Variants in DENND6A observed in about 807,000 individuals in gnomAD.
DENND6A encodes the protein protein DENND6A.
Under a neutral mutation model 95.5 loss-of-function variants are expected in DENND6A, and 43 were observed. That is an observed-to-expected ratio of 0.45 (90% CI 0.35 to 0.58). The LOEUF is 0.58. Among genes scored for constraint, DENND6A ranks in the 20% least tolerant of loss-of-function variants. The pLI is 0.00. For synonymous variants in DENND6A, 257 were observed against 260.4 expected, an observed-to-expected ratio of 0.99 and a Z score of 0.13; for missense variants, 574 against 736.0, an observed-to-expected ratio of 0.78 and a Z score of 2.55.
At chr3:57,631,342 G>A (rs1015550544) in intron 15 of DENND6A, among the ~76,000 whole-genome samples, 7 of 152,024 alleles carry the variant, frequency 4.6e-5, no homozygotes, top group African/African-American at 1.7e-4. Flanking sequence ...GATTACAGGC[G>A]TGCGCCACCA....
chr3:57,644,489 G>T, intron 11 of DENND6A, among the ~76,000 whole-genome samples: 1 of 150,668 alleles, frequency 6.6e-6, no homozygotes, highest in Admixed American at 6.7e-5. Flanking sequence ...TATTTTTTTT[G>T]TGGAGACAGG....
At chr3:57,689,995 G>A (rs998008493) in intron 1 of DENND6A, among the ~76,000 whole-genome samples, 2 of 150,384 alleles carry the variant, frequency 1.3e-5, no homozygotes, top group African/African-American at 4.9e-5. Flanking sequence ...AGGTTGTAGT[G>A]AGTTATGATC....
chr3:57,661,593 C>G (rs774955779), intron 5 of DENND6A, 42 bp from the exon 6 acceptor site: 7 of 1,462,702 alleles, frequency 4.8e-6, no homozygotes, highest in Non-Finnish European at 6.4e-6. Context: ...ATTGCTTTGT[C>G]ATTCATTTCT....
chr3:57,686,812 CACA>C (rs1280693491), intron 1 of DENND6A, among the ~76,000 whole-genome samples: 2 of 152,158 alleles, frequency 1.3e-5, no homozygotes, highest in African/African-American at 2.4e-5. Context: ...TTCCGTAAGA[CACA>C]ACAATATTTG....
At chr3:57,654,949 C>G in intron 9 of DENND6A, 2 of 278,536 alleles carry the variant, frequency 7.2e-6, no homozygotes, top group Non-Finnish European at 1.1e-5. Context: ...TTAATCTAAT[C>G]ATTAGATATT....
intron 12 of DENND6A, among the ~76,000 whole-genome samples, chr3:57,635,436 G>A (rs2070771553): frequency 6.6e-6 from 1 of 152,108 alleles, no homozygotes; most frequent in Admixed American, 6.6e-5. Flanking sequence ...ATAACAGACA[G>A]AAAAATACCT....
intron 8 of DENND6A, 97 bp from the exon 9 acceptor site, chr3:57,657,832 T>C (rs906610928): frequency 4.3e-6 from 3 of 697,808 alleles, no homozygotes; most frequent in Non-Finnish European, 7.1e-6. Flanking sequence ...CATGCTGCCC[T>C]GTCTAACTTT....
chr3:57,682,304 A>G, intron 1 of DENND6A, among the ~76,000 whole-genome samples: 1 of 150,354 alleles, frequency 6.7e-6, no homozygotes, highest in Admixed American at 6.6e-5. Flanking sequence ...AAAAAAAAAA[A>G]AAAAAATTAT....
At chr3:57,684,324 G>A (rs1376351568) in intron 1 of DENND6A, among the ~76,000 whole-genome samples, 1 of 151,906 alleles carries the variant, frequency 6.6e-6, no homozygotes, top group Non-Finnish European at 1.5e-5. Context: ...TTAGCTGGGT[G>A]CGGTGGCACG....
chr3:57,654,500 A>C, intron 9 of DENND6A: 2 of 451,180 alleles, frequency 4.4e-6, no homozygotes, highest in Non-Finnish European at 5.9e-6. Context: ...GGAACAGGGG[A>C]GAGAAGCAGG....
intron 9 of DENND6A, among the ~76,000 whole-genome samples, chr3:57,656,849 T>C (rs745533779): frequency 6.6e-6 from 1 of 152,120 alleles, no homozygotes; most frequent in Non-Finnish European, 1.5e-5. Flanking sequence ...TCCCAGCTAC[T>C]TGGGTGGCTG....
intron 7 of DENND6A, 111 bp from the exon 8 acceptor site, chr3:57,659,291 C>A (rs2071382468): frequency 9.3e-7 from 1 of 1,079,934 alleles, no homozygotes. Context: ...GCTACAAAAA[C>A]AAAATTATCT....
chr3:57,631,054 C>CT, intron 15 of DENND6A, 76 bp from the exon 16 acceptor site: 1 of 1,416,322 alleles, frequency 7.1e-7, no homozygotes, highest in Non-Finnish European at 9.8e-7. Flanking sequence ...AGGAATGGGT[C>CT]TTTTAAGTTT....
At chr3:57,686,374 G>C (rs1318001995) in intron 1 of DENND6A, among the ~76,000 whole-genome samples, 1 of 152,056 alleles carries the variant, frequency 6.6e-6, no homozygotes, top group African/African-American at 2.4e-5. Flanking sequence ...ACTGCTCTCA[G>C]GTAAGGCAGT....
At chr3:57,676,673 A>G (rs906366095) in intron 1 of DENND6A, among the ~76,000 whole-genome samples, 2 of 152,184 alleles carry the variant, frequency 1.3e-5, no homozygotes, top group African/African-American at 4.8e-5. Flanking sequence ...GAATCCAGTT[A>G]AAGAAAAATA....
In DENND6A at chr3:57,692,947, G is replaced by T; in HGVS notation, c.72C>A (p.Ala24=). 6.4e-7 allele frequency: 1 copy of T among 1,550,884 alleles called. No homozygotes were observed. The highest frequency in any genetic ancestry group is 8.7e-7 in the Non-Finnish European group (1 of 1,155,916). Residue 24 remains alanine (A), a synonymous_variant, in exon 1 of 20, where the codon GCC becomes GCA. Transcript: ENST00000311128. ...CAAGGGCCGGCGCCTCGCGGCCCTC[G>T]GCCCCTGCCACCGCTTCGTCCAACG... The part of the protein sequence containing the change: ...RRPLDEAVAG[A]EGREAPALVA...
intron 14 of DENND6A, among the ~76,000 whole-genome samples, chr3:57,634,060 CAT>C (rs988421840): frequency 3.9e-5 from 6 of 152,102 alleles, no homozygotes; most frequent in African/African-American, 9.7e-5. Context: ...GACTGACACT[CAT>C]GTGTAGCTAC....
chr3:57,650,451 T>TACACAC (rs201602545), intron 9 of DENND6A, among the ~76,000 whole-genome samples: 1 of 142,472 alleles, frequency 7.0e-6, no homozygotes, highest in Non-Finnish European at 1.5e-5. Flanking sequence ...CACACATACA[T>TACACAC]ACACACACAC....
Position 57,659,130 on chromosome 3 carries a change from C to A in DENND6A, c.750G>T (p.Gln250His). ...HDKPGTTQIV[Q>H]LTQQVDTNIS... The stretch of plus-strand genomic sequence containing the variant: ...AGTACCACACTACCTGCTGAGTTAA[C>A]TGCACTATTTGAGTTGTCCCAGGCT... Residue 250 changes from glutamine (Q) to histidine (H), a missense_variant, in exon 8 of 20, where the codon CAG becomes CAT. Coordinates refer to ENST00000311128, the MANE Select transcript of DENND6A (RefSeq NM_152678.3). The A allele has an allele frequency of 6.2e-7, 1 of 1,614,070 alleles. No individual in the cohort carries two copies. The highest frequency in any genetic ancestry group is 8.5e-7 in the Non-Finnish European group (1 of 1,180,008).
Sources: gnomAD v4.1 joint callset for allele counts (sites outside exome capture counted in the v4.1 genomes callset) on GRCh38, gnomAD v4.1.1 for gene constraint, MANE v1.5 for transcripts, NCBI Gene and HGNC (gene_info 2026-07-23, HGNC 2026-07-21) for gene names.